The following MAS1 variants were observed in gnomAD, a reference collection of about 807,000 sequenced individuals.
MAS1 encodes proto-oncogene Mas.
For synonymous variants in MAS1, 163 were observed against 164.2 expected, an observed-to-expected ratio of 0.99 and a Z score of 0.05; for missense variants, 387 against 409.7, an observed-to-expected ratio of 0.94 and a Z score of 0.48.
At chr6:159,905,358 C>G (rs1386211481) in intron 2 of MAS1, among the ~76,000 whole-genome samples, 2 of 152,318 alleles carry the variant, frequency 1.3e-5, no homozygotes, top group Non-Finnish European at 1.5e-5. Flanking sequence ...GGGTTCTTTT[C>G]CGGGTCTCTG....
At position 159,914,967 on chromosome 6, in the gene MAS1, C is replaced by T. The variant is rs1783004959; in HGVS notation, c.*7034C>T. 1 of 152,276 alleles carries T rather than the reference C, an allele frequency of 6.6e-6. No individual in the cohort carries two copies. Among genetic ancestry groups the T allele is most frequent in the African/African-American group, 2.4e-5 (1 of 41,448 alleles). The allele number at this position is 152,276 out of a possible 1,614,324, so 9.4% of individuals were successfully genotyped here. On this transcript the variant is annotated 3_prime_UTR_variant, in exon 3 of 3. Transcript: ENST00000674077. ...TGATTGTTTCTCTTACCAGTTCTGG[C>T]TTCTTTCAATTCTGTGGACCTAGGG...
chr6:159,900,318 A>G lies in MAS1; in HGVS notation c.-37+926A>G, dbSNP rs544112436. Among the ~76,000 whole-genome samples, 19 of 152,190 alleles carry G rather than the reference A, an allele frequency of 1.2e-4. No individual in the cohort carries two copies. The East Asian group carries it at 3.5e-3, about 28-fold the overall frequency. ...CCTTCTACTCTCCTCACACTTCCCAACCTCAAATATCCCCGTCAGTCATCC... is the reference window on the plus strand; with the variant it reads ...CCTTCTACTCTCCTCACACTTCCCAGCCTCAAATATCCCCGTCAGTCATCC... On this transcript the variant is annotated intron_variant, in intron 2 of 2. Coordinates refer to ENST00000674077, the MANE Select transcript of MAS1 (RefSeq NM_002377.4).
intron 2 of MAS1, among the ~76,000 whole-genome samples, chr6:159,905,039 C>T (rs994746179): frequency 5.9e-5 from 9 of 152,236 alleles, no homozygotes; most frequent in African/African-American, 1.9e-4. Context: ...CCCTGCCACT[C>T]CTTTCCTTTA....
In MAS1 at chr6:159,909,399, T is replaced by C. The variant is rs1782939926; in HGVS notation, c.*1466T>C. 6.6e-6 allele frequency: 1 copy of C among 152,184 alleles called. No individual in the cohort carries two copies. The highest frequency in any genetic ancestry group is 2.1e-4 in the South Asian group (1 of 4,828). The allele number at this position is 152,184 out of a possible 1,614,324, so 9.4% of individuals were successfully genotyped here. ...TGCTGCTTGTCCTTCCCCATCCTCTTCCTTTCTCAAAAGAAATGATGTGGG... is the reference window on the plus strand; with the variant it reads ...TGCTGCTTGTCCTTCCCCATCCTCTCCCTTTCTCAAAAGAAATGATGTGGG... On this transcript the variant is annotated 3_prime_UTR_variant, in exon 3 of 3. Transcript: ENST00000674077.
chr6:159,896,405 T>C (rs994954446), intron 1 of MAS1, among the ~76,000 whole-genome samples: 1 of 152,096 alleles, frequency 6.6e-6, no homozygotes. Flanking sequence ...GTTTACAATA[T>C]GATACTGAGT....
In MAS1 at chr6:159,909,768, C is replaced by A. The variant is rs1782944504; in HGVS notation, c.*1835C>A. 6.6e-6 allele frequency: 1 copy of A among 151,730 alleles called. No individual in the cohort carries two copies. The highest frequency in any genetic ancestry group is 6.6e-5 in the Admixed American group (1 of 15,230). 9.4% of individuals were successfully genotyped at this position (151,730 alleles called of 1,614,324 possible). On this transcript the variant is annotated 3_prime_UTR_variant, in exon 3 of 3. Coordinates refer to ENST00000674077, the MANE Select transcript of MAS1 (RefSeq NM_002377.4). Reference sequence around the variant, plus strand: ...AGGGGATCTTAGTCTCAAAGAGGACCCTAAAGACTATCAGATACAAGGAAT... The same window carrying A: ...AGGGGATCTTAGTCTCAAAGAGGACACTAAAGACTATCAGATACAAGGAAT...
Position 159,908,565 on chromosome 6 carries a change from T to G in MAS1, c.*632T>G, listed in dbSNP as rs904204983. The G allele has an allele frequency of 4.1e-5, 6 of 145,898 alleles. No homozygotes were observed. Among genetic ancestry groups the G allele is most frequent in the African/African-American group, 1.3e-4 (5 of 39,426 alleles). 9.0% of individuals were successfully genotyped at this position (145,898 alleles called of 1,614,324 possible). On this transcript the variant is annotated 3_prime_UTR_variant, in exon 3 of 3. Transcript: ENST00000674077. ...CACACAGCTCTATCATGTACAGAAGTTATTATGTGTTTTTACATGTTGAAT... is the reference window on the plus strand; with the variant it reads ...CACACAGCTCTATCATGTACAGAAGGTATTATGTGTTTTTACATGTTGAAT...
chr6:159,900,444 G>A (rs1422563053), intron 2 of MAS1, among the ~76,000 whole-genome samples: 1 of 152,170 alleles, frequency 6.6e-6, no homozygotes, highest in Non-Finnish European at 1.5e-5. Flanking sequence ...GGCATTTCTC[G>A]CCATCTGCTA....
chr6:159,896,261 C>T (rs538609870), intron 1 of MAS1, among the ~76,000 whole-genome samples: 2 of 152,234 alleles, frequency 1.3e-5, no homozygotes, highest in African/African-American at 4.8e-5. Flanking sequence ...CACTGCTGCA[C>T]TCCAGCCTGG....
intron 2 of MAS1, among the ~76,000 whole-genome samples, chr6:159,905,979 T>C (rs1583214489): frequency 6.6e-6 from 1 of 151,840 alleles, no homozygotes. Flanking sequence ...GAGGCGGAGG[T>C]TGCAGTGAGC....
intron 2 of MAS1, among the ~76,000 whole-genome samples, chr6:159,901,031 G>T (rs1375263620): frequency 6.6e-6 from 1 of 152,204 alleles, no homozygotes; most frequent in Non-Finnish European, 1.5e-5. Flanking sequence ...GTCAGGGCTG[G>T]TCTGGTGAGG....
intron 2 of MAS1, among the ~76,000 whole-genome samples, chr6:159,900,899 G>C (rs1782814125): frequency 6.6e-6 from 1 of 152,206 alleles, no homozygotes; most frequent in South Asian, 2.1e-4. Context: ...GGAGTTTGCT[G>C]TTTAGTGGGT....
Position 159,916,532 on chromosome 6 carries a change from C to T in MAS1, c.*8599C>T, listed in dbSNP as rs1216594592. The T allele has an allele frequency of 1.3e-5, 2 of 152,222 alleles. No individual in the cohort carries two copies. Among genetic ancestry groups the T allele is most frequent in the South Asian group, 2.1e-4 (1 of 4,836 alleles). The allele number at this position is 152,222 out of a possible 1,614,324, so 9.4% of individuals were successfully genotyped here. On this transcript the variant is annotated 3_prime_UTR_variant, in exon 3 of 3. Transcript: ENST00000674077. ...CACAATAAAGAAGTGAGTTATTGTA[C>T]TTTCAAGGCACTCGGTGTGTTTCTC... is the stretch of plus-strand genomic sequence containing the variant.
At position 159,907,818 on chromosome 6, in the gene MAS1, AG is replaced by A. The variant is rs1317493864; in HGVS notation, c.864del (p.Lys289ArgfsTer7). 1.2e-6 allele frequency: 2 copies of A among 1,613,000 alleles called. No homozygotes were observed. Among genetic ancestry groups the A allele is most frequent in the African/African-American group, 2.7e-5 (2 of 74,656 alleles). ...FIYFFVGSSK[K>X]KRFKESLKVV... ...TACTTCTTTGTGGGAAGCAGTAAGA[AG>A]AAGAGATTCAAGGAGTCCTTAAAAG... is the stretch of plus-strand genomic sequence containing the variant. On this transcript the variant is annotated frameshift_variant, in exon 3 of 3. Transcript: ENST00000674077. LOFTEE classifies it low-confidence loss of function (END_TRUNC).
chr6:159,902,537 T>C (rs1782834403), intron 2 of MAS1: 1 of 152,216 alleles, frequency 6.6e-6, no homozygotes, highest in South Asian at 2.1e-4. Flanking sequence ...CTAAATAAAG[T>C]ATGTTATTAA....
intron 2 of MAS1, among the ~76,000 whole-genome samples, chr6:159,905,281 C>G (rs1001905926): frequency 5.9e-5 from 9 of 152,242 alleles, no homozygotes; most frequent in African/African-American, 2.2e-4. Context: ...AAACTTCTAA[C>G]AAGGCCTGGT....
At position 159,907,411 on chromosome 6, in the gene MAS1, C is replaced by T. The variant is rs1308459081; in HGVS notation, c.456C>T (p.Val152=). The change falls in exon 3 of 3, where the codon GTC becomes GTT. Residue 152 remains valine, a synonymous_variant. Coordinates refer to ENST00000674077, the MANE Select transcript of MAS1 (RefSeq NM_002377.4). ...GCCCCAAGTACCAGTCGGCATTGGT[C>T]TGTGCCCTTCTGTGGGCTCTTTCTT... ...CHRPKYQSAL[V]CALLWALSCL... 6.2e-7 allele frequency: 1 copy of T among 1,614,120 alleles called. No individual in the cohort carries two copies. Among genetic ancestry groups the T allele is most frequent in the Admixed American group, 1.7e-5 (1 of 60,026 alleles).
At chr6:159,903,173 C>T (rs1223606457) in intron 2 of MAS1, among the ~76,000 whole-genome samples, 2 of 152,138 alleles carry the variant, frequency 1.3e-5, no homozygotes, top group African/African-American at 2.4e-5. Flanking sequence ...TATGTAGCTC[C>T]TATTTCCTGC....
At position 159,907,035 on chromosome 6, in the gene MAS1, A is replaced by C; in HGVS notation, c.80A>C (p.Asn27Thr). Reference protein sequence around the residue: ...ISTGRNASVGNAHRQIPIVHW... With the variant: ...ISTGRNASVGTAHRQIPIVHW... ...ACTGGCAGGAACGCCTCAGTCGGGA[A>C]TGCACATCGGCAAATCCCCATCGTG... Residue 27 changes from asparagine (N) to threonine (T), a missense_variant, in exon 3 of 3, where the codon AAT becomes ACT. By Grantham distance (65) the Asn-to-Thr change is moderately conservative (BLOSUM62 0). Coordinates refer to ENST00000674077, the MANE Select transcript of MAS1 (RefSeq NM_002377.4). 1 of 1,614,082 alleles carries C rather than the reference A, an allele frequency of 6.2e-7. No individual in the cohort carries two copies. Among genetic ancestry groups the C allele is most frequent in the Non-Finnish European group, 8.5e-7 (1 of 1,179,916 alleles).
Sources: allele counts gnomAD v4.1 joint callset (sites outside exome capture counted in the v4.1 genomes callset), GRCh38; gene constraint gnomAD v4.1.1; transcripts MANE v1.5; gene names NCBI Gene and HGNC (gene_info 2026-07-23, HGNC 2026-07-21).